The following GRM8 variants were observed in gnomAD, a reference collection of about 807,000 sequenced individuals.
GRM8 encodes the protein metabotropic glutamate receptor 8.
A neutral mutation model predicts 87.2 loss-of-function variants in GRM8; 47 were observed. The ratio of observed to expected loss-of-function variants is 0.54; its 90% CI spans 0.43 to 0.69. The LOEUF is 0.69. Among genes scored for constraint, GRM8 ranks in the 30% least tolerant of loss-of-function variants. The probability of loss-of-function intolerance (pLI) is 0.00; values close to 1 mark genes in which losing one functional copy is unlikely to be tolerated. For synonymous variants in GRM8, 396 were observed against 404.5 expected (o/e 0.98, Z 0.25); for missense variants, 1,019 against 1,139.2 (o/e 0.89, Z 1.52).
chr7:127,139,754 G>GA (rs1412782550), intron 2 of GRM8, among the ~76,000 whole-genome samples: 1 of 151,892 alleles, frequency 6.6e-6, no homozygotes, highest in East Asian at 1.9e-4. Flanking sequence ...GAAATTCATG[G>GA]AAAAAAAGAA....
intron 3 of GRM8, among the ~76,000 whole-genome samples, chr7:126,974,570 T>C (rs1052719463): frequency 6.6e-6 from 1 of 152,090 alleles, no homozygotes; most frequent in Non-Finnish European, 1.5e-5. Context: ...ACTGATGAAA[T>C]AAGGTAGCTG....
chr7:126,894,409 T>A (rs1801344402), intron 6 of GRM8, among the ~76,000 whole-genome samples: 1 of 152,052 alleles, frequency 6.6e-6, no homozygotes, highest in Non-Finnish European at 1.5e-5. Context: ...CATCTTCCAA[T>A]CAATCAAGAT....
chr7:127,075,376 T>C (rs186167678), intron 3 of GRM8, among the ~76,000 whole-genome samples: 2 of 152,340 alleles, frequency 1.3e-5, no homozygotes, highest in Non-Finnish European at 2.9e-5. Context: ...GCTATATTCA[T>C]AGTTTAGTAA....
chr7:126,632,374 A>G (rs943190772), intron 7 of GRM8, among the ~76,000 whole-genome samples: 17 of 152,300 alleles, frequency 1.1e-4, no homozygotes, highest in African/African-American at 3.8e-4. Context: ...TTAAAAAGTC[A>G]AGAAACAACA....
At chr7:126,950,696 T>A (rs747576010) in intron 3 of GRM8, among the ~76,000 whole-genome samples, 3 of 152,290 alleles carry the variant, frequency 2.0e-5, no homozygotes, top group South Asian at 2.1e-4. Context: ...GCATTTCCCA[T>A]GGCTTGTCTG....
intron 2 of GRM8, among the ~76,000 whole-genome samples, chr7:127,226,862 G>C (rs1182884620): frequency 6.6e-6 from 1 of 152,160 alleles, no homozygotes; most frequent in Non-Finnish European, 1.5e-5. Context: ...GTTTCTACCG[G>C]CTTGCACGCC....
chr7:126,915,707 G>C (rs1341165489), intron 3 of GRM8, among the ~76,000 whole-genome samples: 1 of 146,330 alleles, frequency 6.8e-6, no homozygotes, highest in African/African-American at 2.4e-5. Context: ...AACCAGGAAG[G>C]GGAAAGGGGA....
rs1337396629 is a variant in GRM8 at position 126,453,212 on chromosome 7, G to GA, written c.2431-6841dup. On this transcript the variant is annotated intron_variant, in intron 9 of 10. Transcript: ENST00000339582. ...GAATTATAGTCCAATTTAACTCTGGGAAAAATCACCGTCCTGAGTGTTGTG... is the reference window on the plus strand; with the variant it reads ...GAATTATAGTCCAATTTAACTCTGGGAAAAAATCACCGTCCTGAGTGTTGTG... Among the ~76,000 whole-genome samples the GA allele has an allele frequency of 8.6e-5, 13 of 151,762 alleles. No homozygotes were observed. The South Asian group carries it at 2.7e-3, about 31-fold the overall frequency.
chr7:126,470,739 A>G (rs545082246), intron 9 of GRM8, among the ~76,000 whole-genome samples: 51 of 152,260 alleles, frequency 3.3e-4, no homozygotes, highest in African/African-American at 1.1e-3. Flanking sequence ...TGGCATTTCT[A>G]GTTCTAGATC....
intron 3 of GRM8, among the ~76,000 whole-genome samples, chr7:126,958,330 C>T (rs1808949820): frequency 6.6e-6 from 1 of 152,170 alleles, no homozygotes. Flanking sequence ...CTTCGGGGAG[C>T]CCAGACCTAG....
chr7:127,163,635 C>G (rs1793260945), intron 2 of GRM8, among the ~76,000 whole-genome samples: 1 of 152,020 alleles, frequency 6.6e-6, no homozygotes, highest in South Asian at 2.1e-4. Flanking sequence ...TGGGCTTTAC[C>G]TTTTAGAGAT....
intron 7 of GRM8, among the ~76,000 whole-genome samples, chr7:126,647,905 T>G (rs145881289): frequency 6.6e-6 from 1 of 152,292 alleles, no homozygotes; most frequent in East Asian, 1.9e-4. Flanking sequence ...CAAAATCATG[T>G]AATTACCTTA....
intron 8 of GRM8, among the ~76,000 whole-genome samples, chr7:126,590,877 A>G (rs1472512956): frequency 6.6e-6 from 1 of 152,210 alleles, no homozygotes; most frequent in Non-Finnish European, 1.5e-5. Flanking sequence ...AAGGTGCTCT[A>G]AATCTTGAAA....
chr7:126,582,106 G>C (rs1273833766), intron 8 of GRM8, among the ~76,000 whole-genome samples: 1 of 152,138 alleles, frequency 6.6e-6, no homozygotes, highest in Non-Finnish European at 1.5e-5. Context: ...AGCTGAGACA[G>C]ATAAAAATTA....
chr7:126,447,645 C>G (rs1462578483), intron 9 of GRM8, among the ~76,000 whole-genome samples: 1 of 151,914 alleles, frequency 6.6e-6, no homozygotes, highest in Non-Finnish European at 1.5e-5. Context: ...CATTCGCCCT[C>G]AAGGGTAAAT....
chr7:127,089,477 AAGCCTAC>A (rs1823844325), intron 3 of GRM8, among the ~76,000 whole-genome samples: 1 of 152,226 alleles, frequency 6.6e-6, no homozygotes, highest in African/African-American at 2.4e-5. Context: ...GGCAGTATGC[AAGCCTAC>A]AGCTGCTGGT....
intron 3 of GRM8, among the ~76,000 whole-genome samples, chr7:127,015,073 AAGAAGGAGAAGAAGG>A (rs1815392571): frequency 1.3e-5 from 1 of 77,624 alleles, no homozygotes; most frequent in Non-Finnish European, 3.7e-5. Context: ...AGAAGAAAGA[AAGAAGGAGAAGAAGG>A]AGAAGAAGGA....
At chr7:126,738,732 C>G (rs112893975) in intron 7 of GRM8, among the ~76,000 whole-genome samples, 1 of 150,336 alleles carries the variant, frequency 6.7e-6, no homozygotes, top group Admixed American at 6.7e-5. Context: ...GAAAGAAGAA[C>G]AGAGGAACCA....
At chr7:127,125,762 CTA>C (rs1827329054) in intron 2 of GRM8, among the ~76,000 whole-genome samples, 1 of 67,802 alleles carries the variant, frequency 1.5e-5, no homozygotes, top group African/African-American at 8.5e-5. Flanking sequence ...ACTCAAACAA[CTA>C]AACACACACA....
Sources: gnomAD v4.1 joint callset for allele counts (sites outside exome capture counted in the v4.1 genomes callset) on GRCh38, gnomAD v4.1.1 for gene constraint, MANE v1.5 for transcripts, NCBI Gene and HGNC (gene_info 2026-07-23, HGNC 2026-07-21) for gene names.